The following ADAMTS12 variants were observed in gnomAD, a reference collection of about 807,000 sequenced individuals.
ADAMTS12 encodes ADAM metallopeptidase with thrombospondin type 1 motif 12.
In ADAMTS12, 118 loss-of-function variants were observed where a neutral mutation model predicts 167.8. The observed-to-expected ratio is 0.70, with a 90% CI of 0.61 to 0.82. The LOEUF (loss-of-function observed/expected upper bound fraction) is 0.82, where lower values mean the gene tolerates loss of function less well. Among genes scored for constraint, ADAMTS12 ranks in the 40% least tolerant of loss-of-function variants. ADAMTS12 has a pLI of 0.00. For synonymous variants in ADAMTS12, 704 were observed against 716.9 expected (o/e 0.98, Z 0.29); for missense variants, 1,916 against 1,998.8 (o/e 0.96, Z 0.79).
chr5:33,828,280 C>T (rs552983160), intron 2 of ADAMTS12, among the ~76,000 whole-genome samples: 48 of 152,248 alleles, frequency 3.2e-4, no homozygotes, highest in African/African-American at 1.1e-3. Context: ...TCACTGAGTT[C>T]GAGTATCACT....
At chr5:33,844,882 A>G (rs1431989345) in intron 2 of ADAMTS12, among the ~76,000 whole-genome samples, 12 of 151,936 alleles carry the variant, frequency 7.9e-5, no homozygotes, top group Admixed American at 7.9e-4. Flanking sequence ...CTGTCCCTTT[A>G]TTTCTCAACC....
chr5:33,881,561 T>C, intron 1 of ADAMTS12, 81 bp from the exon 2 acceptor site: 1 of 1,479,042 alleles, frequency 6.8e-7, no homozygotes, highest in South Asian at 1.3e-5. Context: ...ACTTGAATGC[T>C]AGCTTTTTTT....
At chr5:33,771,789 C>T (rs747798234) in intron 2 of ADAMTS12, among the ~76,000 whole-genome samples, 17 of 151,354 alleles carry the variant, frequency 1.1e-4, no homozygotes, top group South Asian at 4.2e-4. Flanking sequence ...AGTTATACTG[C>T]GTACTTGATG....
intron 2 of ADAMTS12, chr5:33,880,891 T>C (rs1750408110): frequency 1.9e-6 from 1 of 536,762 alleles, no homozygotes; most frequent in Non-Finnish European, 3.1e-6. Flanking sequence ...GTTGGAGTTC[T>C]GTCTGCCTCC....
chr5:33,811,132 A>G lies in ADAMTS12; in HGVS notation c.490-59584T>C, dbSNP rs979113100. 3.3e-5 allele frequency among the ~76,000 whole-genome samples: 5 copies of G among 152,174 alleles called. No homozygotes were observed. In the South Asian group the frequency reaches 6.2e-4, roughly 19 times the overall value. ...TCTGTTAAGCAACAACAACAAAAACATGGGGGCTAATAGTACGTACTGTGC... is the reference window on the plus strand; with the variant it reads ...TCTGTTAAGCAACAACAACAAAAACGTGGGGGCTAATAGTACGTACTGTGC... On this transcript the variant is annotated intron_variant, in intron 2 of 23. Transcript: ENST00000504830.
chr5:33,594,918 C>A (rs992852775), intron 17 of ADAMTS12, among the ~76,000 whole-genome samples: 9 of 152,168 alleles, frequency 5.9e-5, no homozygotes, highest in Admixed American at 1.3e-4. Flanking sequence ...TCTTTAGAAT[C>A]CACCCTGTCA....
chr5:33,572,285 G>C (rs1329365116), intron 19 of ADAMTS12, among the ~76,000 whole-genome samples: 5 of 151,886 alleles, frequency 3.3e-5, no homozygotes, highest in Admixed American at 3.3e-4. Flanking sequence ...GCCTGGCAGA[G>C]ACACAACAAA....
At chr5:33,653,582 T>C (rs1308543880) in intron 7 of ADAMTS12, among the ~76,000 whole-genome samples, 2 of 152,166 alleles carry the variant, frequency 1.3e-5, no homozygotes, top group Admixed American at 6.6e-5. Context: ...TTTATGATTC[T>C]TGGTTGTCGA....
intron 2 of ADAMTS12, 190 bp downstream of exon 2, chr5:33,880,929 G>T: frequency 1.3e-6 from 1 of 775,240 alleles, no homozygotes; most frequent in Non-Finnish European, 2.0e-6. Flanking sequence ...CTTACTCTTT[G>T]TATCTCTCAA....
At chr5:33,685,864 T>C (rs1307930591) in intron 3 of ADAMTS12, among the ~76,000 whole-genome samples, 6 of 152,168 alleles carry the variant, frequency 3.9e-5, no homozygotes, top group African/African-American at 4.8e-5. Context: ...CCCTCCCTCA[T>C]TGCCCCATCA....
chr5:33,856,242 G>A (rs901077692), intron 2 of ADAMTS12, among the ~76,000 whole-genome samples: 1 of 152,092 alleles, frequency 6.6e-6, no homozygotes, highest in Non-Finnish European at 1.5e-5. Context: ...CACATCCCCC[G>A]CAAAACCTCC....
chr5:33,714,216 G>T (rs140106547), intron 3 of ADAMTS12, among the ~76,000 whole-genome samples: 1 of 151,966 alleles, frequency 6.6e-6, no homozygotes, highest in Non-Finnish European at 1.5e-5. Flanking sequence ...AGGATGAGTC[G>T]ATGGGATATC....
intron 7 of ADAMTS12, among the ~76,000 whole-genome samples, chr5:33,650,115 A>G (rs564396063): frequency 6.6e-6 from 1 of 152,326 alleles, no homozygotes; most frequent in Admixed American, 6.5e-5. Flanking sequence ...AATTTAAGAG[A>G]CAGCATGAAA....
At chr5:33,739,948 A>G (rs939316337) in intron 3 of ADAMTS12, among the ~76,000 whole-genome samples, 1 of 152,234 alleles carries the variant, frequency 6.6e-6, no homozygotes, top group Non-Finnish European at 1.5e-5. Context: ...TGGGCTTTAA[A>G]CCACATTGGT....
chr5:33,826,673 T>G lies in ADAMTS12; in HGVS notation c.489+54446A>C, dbSNP rs532456020. ...TGAAAATGTGTACCACTGCCCATTA[T>G]TGGCTATTTAACAAATAACCTAAAT... On this transcript the variant is annotated intron_variant, in intron 2 of 23. Coordinates refer to ENST00000504830, the MANE Select transcript of ADAMTS12 (RefSeq NM_030955.4). Among the ~76,000 whole-genome samples the G allele has an allele frequency of 4.7e-4, 71 of 152,162 alleles. 1 individual carries two copies. In the South Asian group the frequency reaches 0.015, roughly 31 times the overall value.
chr5:33,571,785 T>A (rs1038460765), intron 19 of ADAMTS12, among the ~76,000 whole-genome samples: 91 of 150,696 alleles, frequency 6.0e-4, no homozygotes, highest in African/African-American at 2.2e-3. Flanking sequence ...CAAAAAACCC[T>A]TCAAAAAATT....
chr5:33,818,013 C>T (rs542629461), intron 2 of ADAMTS12, among the ~76,000 whole-genome samples: 1 of 152,022 alleles, frequency 6.6e-6, no homozygotes, highest in African/African-American at 2.4e-5. Flanking sequence ...TTACTGTGTA[C>T]ATTTGAGGTT....
chr5:33,891,113 G>A (rs1009311080), intron 1 of ADAMTS12, among the ~76,000 whole-genome samples: 3 of 152,168 alleles, frequency 2.0e-5, no homozygotes, highest in Admixed American at 1.3e-4. Context: ...ACAATAACAT[G>A]AGTTCAGAAA....
intron 18 of ADAMTS12, among the ~76,000 whole-genome samples, chr5:33,585,144 AT>A (rs1327703684): frequency 2.6e-5 from 4 of 152,298 alleles, no homozygotes; most frequent in Non-Finnish European, 4.4e-5. Flanking sequence ...TGGAGCCATG[AT>A]TAAAAATCTC....
Sources: allele counts gnomAD v4.1 joint callset (sites outside exome capture counted in the v4.1 genomes callset), GRCh38; gene constraint gnomAD v4.1.1; transcripts MANE v1.5; gene names NCBI Gene and HGNC (gene_info 2026-07-23, HGNC 2026-07-21).